Variants in CDYL observed in about 807,000 individuals in gnomAD.
CDYL encodes the protein chromodomain Y-like protein.
CDYL carries 8 observed loss-of-function variants against 47.3 expected under a neutral mutation model. The ratio of observed to expected loss-of-function variants is 0.17; its 90% confidence interval spans 0.10 to 0.31. The LOEUF is 0.31. Among genes scored for constraint, CDYL ranks in the 10% least tolerant of loss-of-function variants. The pLI, the probability that CDYL is intolerant of heterozygous loss-of-function variation, is 1.00. For missense variants in CDYL, 471 were observed against 701.4 expected, an observed-to-expected ratio of 0.67 and a Z score of 3.71; for synonymous variants, 266 against 265.0, an observed-to-expected ratio of 1.00 and a Z score of -0.04.
At chr6:4,761,536 G>A (rs1490692869) in intron 3 of CDYL, among the ~76,000 whole-genome samples, 1 of 151,752 alleles carries the variant, frequency 6.6e-6, no homozygotes, top group African/African-American at 2.4e-5. Flanking sequence ...TAGAGACAGG[G>A]TTTCACCATG....
At chr6:4,846,298 C>T (rs1234304787) in intron 1 of CDYL, among the ~76,000 whole-genome samples, 1 of 152,028 alleles carries the variant, frequency 6.6e-6, no homozygotes, top group Non-Finnish European at 1.5e-5. Flanking sequence ...GAGACATGTG[C>T]AAATTACTAT....
chr6:4,773,990 G>C (rs1387536843), upstream of CDYL, among the ~76,000 whole-genome samples: 1 of 152,166 alleles, frequency 6.6e-6, no homozygotes, highest in East Asian at 1.9e-4. The surrounding 1 kb of genome is among the most constrained non-coding windows in gnomAD (Gnocchi z 4.6). Flanking sequence ...GGATATGTTT[G>C]TTGTGGATGT....
At chr6:4,896,305 A>C (rs73348345) in intron 2 of CDYL, among the ~76,000 whole-genome samples, 16,940 of 152,262 alleles carry the variant, frequency 0.11, 2,541 homozygotes, top group African/African-American at 0.34. Flanking sequence ...CTGCCCTGGT[A>C]CCTGTGCAGA....
chr6:4,819,162 C>CTCTCTCTCTGTG (rs1016051589), intron 1 of CDYL, among the ~76,000 whole-genome samples: 1 of 111,944 alleles, frequency 8.9e-6, no homozygotes, highest in Non-Finnish European at 1.7e-5. Context: ...CTCTCTCTCT[C>CTCTCTCTCTGTG]TGTGTGTGTG....
chr6:4,944,551 G>T (rs959965404), intron 5 of CDYL, among the ~76,000 whole-genome samples: 4 of 152,178 alleles, frequency 2.6e-5, no homozygotes. Flanking sequence ...CCCCAGGAGC[G>T]ATCATGGCAG....
intron 2 of CDYL, chr6:4,724,535 G>C (rs1757453931): frequency 6.6e-6 from 1 of 152,328 alleles, no homozygotes. Flanking sequence ...CCCTCGCTCT[G>C]AGTGTCACAG....
chr6:4,886,257 C>G (rs1761897092), intron 1 of CDYL, among the ~76,000 whole-genome samples: 1 of 152,158 alleles, frequency 6.6e-6, no homozygotes, highest in African/African-American at 2.4e-5. Context: ...GGGTAGATAC[C>G]TAGGAGTGGA....
At chr6:4,939,656 C>A (rs1210308653) in intron 4 of CDYL, among the ~76,000 whole-genome samples, 1 of 152,082 alleles carries the variant, frequency 6.6e-6, no homozygotes, top group Non-Finnish European at 1.5e-5. Context: ...CTAGGTGGGA[C>A]CATCTTGTTC....
chr6:4,797,018 A>G (rs1759090713), intron 1 of CDYL, among the ~76,000 whole-genome samples: 1 of 152,160 alleles, frequency 6.6e-6, no homozygotes, highest in South Asian at 2.1e-4. Context: ...AATTCTGCTT[A>G]TCTGTTATTT....
chr6:4,850,809 TG>T (rs750372300), intron 1 of CDYL, among the ~76,000 whole-genome samples: 1 of 152,324 alleles, frequency 6.6e-6, no homozygotes, highest in East Asian at 1.9e-4. Flanking sequence ...CCATATAATT[TG>T]GATATTTAAC....
intron 1 of CDYL, among the ~76,000 whole-genome samples, chr6:4,844,634 A>T (rs1760601232): frequency 6.6e-6 from 1 of 152,228 alleles, no homozygotes; most frequent in African/African-American, 2.4e-5. Flanking sequence ...TGAGATTCTC[A>T]TAAAAGTACA....
At chr6:4,933,486 T>TGGGTTG (rs369553066) in intron 2 of CDYL, among the ~76,000 whole-genome samples, 2,158 of 152,148 alleles carry the variant, frequency 0.014, 48 homozygotes, top group African/African-American at 0.05. Context: ...CCCAGTTGAA[T>TGGGTTG]GGGTTGAAGA....
chr6:4,946,993 A>G (rs1160510666), intron 5 of CDYL, among the ~76,000 whole-genome samples: 1 of 152,100 alleles, frequency 6.6e-6, no homozygotes, highest in African/African-American at 2.4e-5. Context: ...GCAGGGCCAA[A>G]TCAGTATCGC....
chr6:4,759,879 C>CAAAAAAAAAAAAAAAAAAAAA, intron 3 of CDYL, among the ~76,000 whole-genome samples: 8 of 25,068 alleles, frequency 3.2e-4, no homozygotes, highest in East Asian at 1.3e-3. Flanking sequence ...AACTCCATCT[C>CAAAAAAAAAAAAAAAAAAAAA]AAAAAAAAAA....
At chr6:4,922,848 C>T (rs565991354) in intron 2 of CDYL, among the ~76,000 whole-genome samples, 2 of 152,320 alleles carry the variant, frequency 1.3e-5, no homozygotes, top group African/African-American at 4.8e-5. Context: ...AGCGGGTGCC[C>T]AGCCTCGGGG....
chr6:4,884,458 G>A (rs1192726668), intron 1 of CDYL, among the ~76,000 whole-genome samples: 1 of 152,182 alleles, frequency 6.6e-6, no homozygotes, highest in Non-Finnish European at 1.5e-5. Context: ...CTAATGGAGT[G>A]GATACTCAGA....
At chr6:4,731,315 G>A (rs76588176) in intron 2 of CDYL, among the ~76,000 whole-genome samples, 1 of 152,122 alleles carries the variant, frequency 6.6e-6, no homozygotes, top group Admixed American at 6.5e-5. Context: ...GAGTAGTTAA[G>A]ACATAAATCC....
At chr6:4,872,834 G>C (rs1404038639) in intron 1 of CDYL, among the ~76,000 whole-genome samples, 1 of 152,126 alleles carries the variant, frequency 6.6e-6, no homozygotes, top group Non-Finnish European at 1.5e-5. Context: ...GTTCATCTTG[G>C]TCTCTATCCA....
intron 1 of CDYL, among the ~76,000 whole-genome samples, chr6:4,707,493 TG>T (rs1202411972): frequency 6.6e-6 from 1 of 152,156 alleles, no homozygotes; most frequent in Non-Finnish European, 1.5e-5. Flanking sequence ...AGGATGGTCT[TG>T]ATCTCTTGAC....
Sources: allele counts gnomAD v4.1 joint callset (sites outside exome capture counted in the v4.1 genomes callset), GRCh38; gene constraint gnomAD v4.1.1; non-coding constraint Gnocchi (gnomAD v3.1); transcripts MANE v1.5; gene names NCBI Gene and HGNC (gene_info 2026-07-23, HGNC 2026-07-21).